The following WDR72 variants were observed in gnomAD, a reference collection of about 807,000 sequenced individuals.
WDR72 encodes WD repeat-containing protein 72.
In WDR72, 120 loss-of-function variants were observed where a neutral mutation model predicts 124.2. The ratio of observed to expected loss-of-function variants is 0.97; its 90% CI spans 0.83 to 1.12. The LOEUF (loss-of-function observed/expected upper bound fraction) is 1.12, where lower values mean the gene tolerates loss of function less well. WDR72 is among the 50% of genes most tolerant of loss of function. WDR72 has a pLI of 0.00. For synonymous variants in WDR72, 452 were observed against 441.7 expected (o/e 1.02, Z -0.29); for missense variants, 1,387 against 1,278.8 (o/e 1.08, Z -1.29).
At chr15:53,551,502 T>G (rs1249266657) in intron 18 of WDR72, among the ~76,000 whole-genome samples, 1 of 152,112 alleles carries the variant, frequency 6.6e-6, no homozygotes, top group Non-Finnish European at 1.5e-5. Context: ...AATCAGGAGA[T>G]GCGTAAAGGA....
chr15:53,637,921 T>A (rs1205348194), intron 14 of WDR72, among the ~76,000 whole-genome samples: 1 of 152,204 alleles, frequency 6.6e-6, no homozygotes, highest in Non-Finnish European at 1.5e-5. Context: ...AGGTTTCATG[T>A]CTGATTCCTT....
At chr15:53,617,265 A>G (rs906316952) in intron 14 of WDR72, among the ~76,000 whole-genome samples, 1 of 151,806 alleles carries the variant, frequency 6.6e-6, no homozygotes, top group Non-Finnish European at 1.5e-5. Flanking sequence ...ATAAATATAC[A>G]TATATAGGGA....
In WDR72 at chr15:53,702,260, C is replaced by A; in HGVS notation, c.1443G>T (p.Trp481Cys). 6.2e-7 allele frequency: 1 copy of A among 1,614,080 alleles called. No homozygotes were observed. Among genetic ancestry groups the A allele is most frequent in the Non-Finnish European group, 8.5e-7 (1 of 1,180,008 alleles). Residue 481 changes from tryptophan to cysteine, a missense_variant, in exon 12 of 20, where the codon TGG becomes TGT. Coordinates refer to ENST00000360509, the MANE Select transcript of WDR72 (RefSeq NM_182758.4). ...ATGAGTCCAGGTCCCCAGACAACAT[C>A]CAACTTTGGTCTAATTTCGAAGAGA... ...HGLSSKLDQS[W>C]MLSGDLDSCV... is the part of the protein sequence containing the mutation.
intron 12 of WDR72, among the ~76,000 whole-genome samples, chr15:53,700,577 C>T (rs745465867): frequency 3.3e-5 from 5 of 151,742 alleles, no homozygotes; most frequent in South Asian, 2.1e-4. Context: ...GAACAGGTTA[C>T]GACAATTACT....
rs2013736378 is a variant in WDR72, at chr15:53,615,803, G to C, written c.2403C>G (p.Cys801Trp). ...CTTTATCCACTCCCCATGGCAAAAG[G>C]CAAGACAGAAACAATTTTGCTGTGT... ...TIDTAKLFLS[C>W]LLPWGVDKDL... is the part of the protein sequence containing the mutation. Residue 801 changes from cysteine to tryptophan, a missense_variant, in exon 15 of 20, where the codon TGC becomes TGG. Coordinates refer to ENST00000360509, the MANE Select transcript of WDR72 (RefSeq NM_182758.4). The C allele has an allele frequency of 6.2e-7, 1 of 1,613,452 alleles. No individual in the cohort carries two copies. The highest frequency in any genetic ancestry group is 2.2e-5 in the East Asian group (1 of 44,872).
At chr15:53,660,417 C>A (rs1037084017) in intron 14 of WDR72, among the ~76,000 whole-genome samples, 5 of 151,968 alleles carry the variant, frequency 3.3e-5, no homozygotes, top group African/African-American at 7.2e-5. Flanking sequence ...TATAAAAGAA[C>A]TAACTTTCAT....
intron 14 of WDR72, among the ~76,000 whole-genome samples, chr15:53,655,286 A>G (rs937359369): frequency 2.7e-5 from 4 of 150,772 alleles, no homozygotes; most frequent in African/African-American, 9.7e-5. Flanking sequence ...ATTTGTTACC[A>G]TCTATCAACC....
intron 18 of WDR72, among the ~76,000 whole-genome samples, chr15:53,529,308 C>T (rs1307262136): frequency 6.6e-6 from 1 of 151,648 alleles, no homozygotes; most frequent in Non-Finnish European, 1.5e-5. Context: ...CTTACCTCTG[C>T]TCCTAATAGT....
chr15:53,630,218 A>T (rs1248369556), intron 14 of WDR72, among the ~76,000 whole-genome samples: 1 of 152,192 alleles, frequency 6.6e-6, no homozygotes, highest in African/African-American at 2.4e-5. Context: ...TAGTAGTTAA[A>T]CATCCTTCTA....
intron 17 of WDR72, among the ~76,000 whole-genome samples, chr15:53,605,715 C>T (rs577907705): frequency 6.6e-6 from 1 of 152,092 alleles, no homozygotes; most frequent in South Asian, 2.1e-4. Context: ...ATTAGCTGGG[C>T]ATGGTGGTTC....
chr15:53,634,569 C>G lies in WDR72; in HGVS notation c.1963-18326G>C, dbSNP rs575729394. On this transcript the variant is annotated intron_variant, in intron 14 of 19. Coordinates refer to ENST00000360509, the MANE Select transcript of WDR72 (RefSeq NM_182758.4). ...TGTTTTGGGCCCCATTCAAAGCTGT[C>G]CTGGGCCGCATGCAGCCCATAGGCT... Among the ~76,000 whole-genome samples, 23 of 152,312 alleles carry G rather than the reference C, an allele frequency of 1.5e-4. No individual in the cohort carries two copies. The East Asian group carries it at 4.4e-3, about 29-fold the overall frequency.
chr15:53,688,417 C>T (rs1274742601), intron 13 of WDR72, among the ~76,000 whole-genome samples: 2 of 149,546 alleles, frequency 1.3e-5, no homozygotes, highest in Admixed American at 6.6e-5. Flanking sequence ...TATACACCAA[C>T]AACAGACAAA....
In WDR72 at chr15:53,716,639, C is replaced by A. The variant is rs763274902; in HGVS notation, c.307G>T (p.Ala103Ser). ...NVTNGQCMEK[A>S]TLPYRHTAIC... Reference sequence around the variant, plus strand: ...GCAGTGTGCCTGTAAGGAAGTGTAGCCTTCTCCATGCACTGTCCATTGGTG... The same window carrying A: ...GCAGTGTGCCTGTAAGGAAGTGTAGACTTCTCCATGCACTGTCCATTGGTG... The change falls in exon 4 of 20, where the codon GCT (alanine) becomes TCT (serine). Residue 103 changes from alanine to serine, a missense_variant. By Grantham distance (99) the Ala-to-Ser change is moderately conservative (BLOSUM62 1). Coordinates refer to ENST00000360509, the MANE Select transcript of WDR72 (RefSeq NM_182758.4). 1 of 1,609,968 alleles carries A rather than the reference C, an allele frequency of 6.2e-7. No individual in the cohort carries two copies. Among genetic ancestry groups the A allele is most frequent in the African/African-American group, 1.3e-5 (1 of 74,980 alleles).
At chr15:53,641,712 CTATT>C (rs1240270999) in intron 14 of WDR72, among the ~76,000 whole-genome samples, 12 of 151,536 alleles carry the variant, frequency 7.9e-5, no homozygotes, top group Non-Finnish European at 1.3e-4. Flanking sequence ...AAATCTATTC[CTATT>C]TATTTTCTTT....
At chr15:53,756,274 TTC>T (rs1043140266) in intron 1 of WDR72, among the ~76,000 whole-genome samples, 1 of 152,160 alleles carries the variant, frequency 6.6e-6, no homozygotes, top group Admixed American at 6.5e-5. Context: ...TCCGCACTCA[TTC>T]TCTCTCCTGC....
chr15:53,621,735 A>T (rs1052069897), intron 14 of WDR72, among the ~76,000 whole-genome samples: 4 of 151,986 alleles, frequency 2.6e-5, no homozygotes, highest in African/African-American at 9.7e-5. Flanking sequence ...ACAAATCACC[A>T]CTAAAGCATT....
At chr15:53,572,086 G>C (rs1041495195) in intron 18 of WDR72, among the ~76,000 whole-genome samples, 1 of 151,944 alleles carries the variant, frequency 6.6e-6, no homozygotes, top group Non-Finnish European at 1.5e-5. Context: ...TTATTGAGTT[G>C]TTTGAATTCC....
intron 14 of WDR72, among the ~76,000 whole-genome samples, chr15:53,644,674 C>A (rs1355380305): frequency 6.6e-6 from 1 of 151,976 alleles, no homozygotes; most frequent in African/African-American, 2.4e-5. Flanking sequence ...AAGTGCCAAC[C>A]ATTCATTTTC....
At chr15:53,592,805 T>C (rs2012572759) in intron 18 of WDR72, among the ~76,000 whole-genome samples, 1 of 152,128 alleles carries the variant, frequency 6.6e-6, no homozygotes, top group Non-Finnish European at 1.5e-5. Context: ...AACTTTCAAA[T>C]GCAATTTAAT....
Sources: allele counts gnomAD v4.1 joint callset (sites outside exome capture counted in the v4.1 genomes callset), GRCh38; gene constraint gnomAD v4.1.1; transcripts MANE v1.5; gene names NCBI Gene and HGNC (gene_info 2026-07-23, HGNC 2026-07-21).